Variants in MAPK14 observed in about 807,000 individuals in gnomAD.
The protein encoded by MAPK14 is mitogen-activated protein kinase 14.
In MAPK14, 16 loss-of-function variants were observed where a neutral mutation model predicts 49.6. The ratio of observed to expected loss-of-function variants is 0.32; its 90% CI spans 0.22 to 0.49. The LOEUF is 0.49. MAPK14 is among the 20% of genes least tolerant of loss of function. MAPK14 has a pLI of 0.99. For synonymous variants in MAPK14, 142 were observed against 158.0 expected (o/e 0.90, Z 0.76); for missense variants, 200 against 441.2 (o/e 0.45, Z 4.90).
intron 3 of MAPK14, among the ~76,000 whole-genome samples, chr6:36,062,720 C>T (rs183717620): frequency 1.4e-5 from 2 of 146,210 alleles, no homozygotes; most frequent in South Asian, 2.2e-4. Context: ...TGCAGTGGCA[C>T]GATCTTAGCT....
At chr6:36,090,879 A>G (rs1442020501) in intron 8 of MAPK14, among the ~76,000 whole-genome samples, 2 of 152,206 alleles carry the variant, frequency 1.3e-5, no homozygotes, top group African/African-American at 4.8e-5. Context: ...TCTCAGGAAA[A>G]GGTAGAATCC....
chr6:36,099,350 TAAAAG>T (rs1401619694), intron 9 of MAPK14, among the ~76,000 whole-genome samples: 2 of 152,228 alleles, frequency 1.3e-5, no homozygotes, highest in Non-Finnish European at 1.5e-5. Context: ...ATGGAACAGT[TAAAAG>T]AGAGAAGTTG....
rs371099775 is a variant in MAPK14 at position 36,073,024 on chromosome 6, TC to T, written c.417+43del. The T allele has an allele frequency of 7.1e-5, 89 of 1,247,172 alleles. 1 individual carries two copies. In the East Asian group the frequency reaches 1.1e-3, roughly 16 times the overall value. The allele number at this position is 1,247,172 out of a possible 1,614,324, so 77.3% of individuals were successfully genotyped here. On this transcript the variant is annotated intron_variant, in intron 4 of 11. Coordinates refer to ENST00000229794, the MANE Select transcript of MAPK14 (RefSeq NM_139012.3). ...AGTAATAATTTTTTAAAATGAATTC[TC>T]CCTTTCTCCCCTCCTTTTAGGGCTT...
intron 1 of MAPK14, among the ~76,000 whole-genome samples, chr6:36,051,477 G>C (rs1423110627): frequency 6.6e-6 from 1 of 152,152 alleles, no homozygotes; most frequent in Non-Finnish European, 1.5e-5. Context: ...TCTAGCTGCT[G>C]CCTGCATCTC....
At chr6:36,063,423 AC>A (rs1763908206) in intron 3 of MAPK14, among the ~76,000 whole-genome samples, 1 of 152,146 alleles carries the variant, frequency 6.6e-6, no homozygotes, top group Non-Finnish European at 1.5e-5. Context: ...CCCCTTCTCT[AC>A]AAAAAAATTT....
chr6:36,106,157 G>A (rs1456744265), intron 10 of MAPK14, among the ~76,000 whole-genome samples: 1 of 152,176 alleles, frequency 6.6e-6, no homozygotes, highest in Non-Finnish European at 1.5e-5. Flanking sequence ...CACGTGCACA[G>A]CATCACCTGT....
chr6:36,078,159 A>G (rs957164011), intron 8 of MAPK14, among the ~76,000 whole-genome samples: 1 of 152,204 alleles, frequency 6.6e-6, no homozygotes, highest in Non-Finnish European at 1.5e-5. Flanking sequence ...ATTTCCAGCT[A>G]TGTAACTTTG....
the MAPK14 span, among the ~76,000 whole-genome samples, chr6:36,120,154 T>C: frequency 6.0e-4 from 91 of 151,226 alleles, no homozygotes; most frequent in Admixed American, 9.2e-4. Flanking sequence ...TGGGATGATA[T>C]TGATAATAGT....
chr6:36,110,372 G>C lies in MAPK14; in HGVS notation c.*1925G>C, dbSNP rs1158861096. ...AGGAAAGTGAACCTTTAAAGTAAAG[G>C]CCTCATCTCCTTTATTGCAGTTCAA... On this transcript the variant is annotated 3_prime_UTR_variant, in exon 12 of 12. Coordinates refer to ENST00000229794, the MANE Select transcript of MAPK14 (RefSeq NM_139012.3). The C allele has an allele frequency of 6.6e-6, 1 of 152,610 alleles. No homozygotes were observed. Among genetic ancestry groups the C allele is most frequent in the Non-Finnish European group, 1.5e-5 (1 of 68,032 alleles). 9.5% of individuals were successfully genotyped at this position (152,610 alleles called of 1,614,324 possible). A position where few individuals can be genotyped will look rare whatever the true frequency, so the allele number is the denominator to read the frequency against.
intron 8 of MAPK14, among the ~76,000 whole-genome samples, chr6:36,087,522 CTT>C (rs979975014): frequency 6.6e-6 from 1 of 151,884 alleles, no homozygotes; most frequent in African/African-American, 2.4e-5. Flanking sequence ...TGAATGAACT[CTT>C]ATTCACAACT....
Position 36,028,142 on chromosome 6 carries a change from C to T in MAPK14, c.-16C>T. ...CCCACAGGGCCACCTTCTTGCCCGG[C>T]GGCTGCCGCTGGAAAATGTCTCAGG... On this transcript the variant is annotated 5_prime_UTR_variant, in exon 1 of 12. Transcript: ENST00000229794. The surrounding 1 kb of genome is among the most constrained non-coding windows in gnomAD (Gnocchi z 5.1). The T allele has an allele frequency of 1.3e-6, 2 of 1,591,182 alleles. No homozygotes were observed. The highest frequency in any genetic ancestry group is 1.7e-6 in the Non-Finnish European group (2 of 1,160,680).
intron 3 of MAPK14, among the ~76,000 whole-genome samples, chr6:36,072,276 T>C (rs1764331693): frequency 6.6e-6 from 1 of 151,966 alleles, no homozygotes; most frequent in Non-Finnish European, 1.5e-5. Context: ...AGTTTGAGGT[T>C]GCAGTGAATT....
chr6:36,083,506 C>T (rs1199933002), intron 8 of MAPK14, among the ~76,000 whole-genome samples: 1 of 152,152 alleles, frequency 6.6e-6, no homozygotes, highest in East Asian at 1.9e-4. Flanking sequence ...GCTGTTTTCC[C>T]CTGCTGGTGC....
intron 8 of MAPK14, chr6:36,076,902 T>C: frequency 4.4e-6 from 1 of 229,822 alleles, no homozygotes; most frequent in Non-Finnish European, 8.5e-6. Context: ...GACCTGAGCA[T>C]ACTCATGAGA....
At chr6:36,100,533 T>C (rs1484575476) in intron 9 of MAPK14, among the ~76,000 whole-genome samples, 1 of 152,226 alleles carries the variant, frequency 6.6e-6, no homozygotes, top group Non-Finnish European at 1.5e-5. Context: ...GGCGGTTTCT[T>C]TCTAGGTGCT....
At chr6:36,080,690 G>C (rs1764720591) in intron 8 of MAPK14, among the ~76,000 whole-genome samples, 1 of 152,040 alleles carries the variant, frequency 6.6e-6, no homozygotes, top group African/African-American at 2.4e-5. Context: ...CCCTGCTTTT[G>C]ATTCTTTTGG....
chr6:36,066,507 A>T (rs1764063392), intron 3 of MAPK14, among the ~76,000 whole-genome samples: 2 of 152,068 alleles, frequency 1.3e-5, no homozygotes, highest in African/African-American at 4.8e-5. Context: ...GCTGCATGAA[A>T]CTCAGAATAT....
At chr6:36,057,360 G>C (rs1409287811) in intron 2 of MAPK14, among the ~76,000 whole-genome samples, 1 of 152,166 alleles carries the variant, frequency 6.6e-6, no homozygotes, top group African/African-American at 2.4e-5. Context: ...ATCTCAAAAT[G>C]TTAATGATAG....
At chr6:36,049,056 G>A (rs1188882029) in intron 1 of MAPK14, among the ~76,000 whole-genome samples, 1 of 152,172 alleles carries the variant, frequency 6.6e-6, no homozygotes. Context: ...TGTTGATATA[G>A]ACTCCAGGAT....
Sources: gnomAD v4.1 joint callset for allele counts (sites outside exome capture counted in the v4.1 genomes callset) on GRCh38, gnomAD v4.1.1 for gene constraint, Gnocchi (gnomAD v3.1) non-coding constraint, MANE v1.5 for transcripts, NCBI Gene and HGNC (gene_info 2026-07-23, HGNC 2026-07-21) for gene names.